Variants in PLBD2 observed in about 807,000 individuals in gnomAD.
PLBD2 encodes putative aminopeptidase PLBD2.
A neutral mutation model predicts 68.3 loss-of-function variants in PLBD2; 51 were observed. That is an observed-to-expected ratio of 0.75 (90% CI 0.60 to 0.94). The LOEUF (loss-of-function observed/expected upper bound fraction) is 0.94. Among genes scored for constraint, PLBD2 ranks in the 40% least tolerant of loss-of-function variants. The pLI, the probability that PLBD2 is intolerant of heterozygous loss-of-function variation, is 0.00. For missense variants in PLBD2, 729 were observed against 792.2 expected, an observed-to-expected ratio of 0.92 and a Z score of 0.96; for synonymous variants, 314 against 339.3, an observed-to-expected ratio of 0.93 and a Z score of 0.82.
chr12:113,367,316 C>T (rs1957349953), intron 1 of PLBD2, among the ~76,000 whole-genome samples: 1 of 152,168 alleles, frequency 6.6e-6, no homozygotes. Flanking sequence ...GCAGCTATCA[C>T]CTTGGTAAAG....
chr12:113,365,216 G>T (rs1384170053), intron 1 of PLBD2, among the ~76,000 whole-genome samples: 1 of 152,140 alleles, frequency 6.6e-6, no homozygotes, highest in Non-Finnish European at 1.5e-5. Context: ...CTCACCTGCT[G>T]TGTGACCTTG....
intron 5 of PLBD2, among the ~76,000 whole-genome samples, chr12:113,380,159 T>C (rs543324648): frequency 3.3e-5 from 5 of 152,280 alleles, no homozygotes; most frequent in Admixed American, 6.5e-5. Flanking sequence ...TTTTTTTAGA[T>C]GGAGTCTCAC....
chr12:113,370,481 T>C (rs1485300438), intron 2 of PLBD2, among the ~76,000 whole-genome samples: 3 of 140,798 alleles, frequency 2.1e-5, no homozygotes, highest in African/African-American at 7.9e-5. Context: ...TCTTTTTTTT[T>C]TTTTTTTTTT....
At chr12:113,388,203 G>T (rs568537292) in intron 11 of PLBD2, among the ~76,000 whole-genome samples, 1 of 152,098 alleles carries the variant, frequency 6.6e-6, no homozygotes, top group Non-Finnish European at 1.5e-5. Context: ...TTAGCTAGGC[G>T]TGGTGGCGGG....
intron 1 of PLBD2, among the ~76,000 whole-genome samples, chr12:113,367,840 G>C (rs1957355115): frequency 1.3e-5 from 2 of 151,770 alleles, no homozygotes; most frequent in Non-Finnish European, 2.9e-5. Flanking sequence ...CCAGCACTTT[G>C]GGAGGCTGAG....
intron 6 of PLBD2, among the ~76,000 whole-genome samples, chr12:113,381,488 C>A (rs1432889241): frequency 1.3e-5 from 2 of 152,148 alleles, no homozygotes; most frequent in Non-Finnish European, 2.9e-5. Flanking sequence ...CTAAAAAACA[C>A]CCTTAGCGCA....
intron 1 of PLBD2, among the ~76,000 whole-genome samples, chr12:113,365,703 A>G (rs998644222): frequency 3.3e-5 from 5 of 152,084 alleles, no homozygotes; most frequent in African/African-American, 2.4e-5. Context: ...AGGCCCCACT[A>G]AAGATCCCCA....
intron 6 of PLBD2, among the ~76,000 whole-genome samples, chr12:113,381,611 G>A (rs1957491431): frequency 6.6e-6 from 1 of 152,114 alleles, no homozygotes; most frequent in Non-Finnish European, 1.5e-5. Flanking sequence ...GGTGGGTGAG[G>A]GAACCCCCAT....
rs1412829992 is a variant in PLBD2 at position 113,382,870 on chromosome 12, T to G, written c.958-1235T>G. On this transcript the variant is annotated intron_variant, in intron 6 of 11. Coordinates refer to ENST00000280800, the MANE Select transcript of PLBD2 (RefSeq NM_173542.4). ...GTGTGTGTGTGTGTGTGTGTGTGTTTTTTTTTTTTTTTTTTTTTTTAGATA... is the reference window on the plus strand; with the variant it reads ...GTGTGTGTGTGTGTGTGTGTGTGTTGTTTTTTTTTTTTTTTTTTTTAGATA... 7.0e-3 allele frequency among the ~76,000 whole-genome samples: 916 copies of G among 130,596 alleles called. 1 individual carries two copies. The highest frequency in any genetic ancestry group is 8.8e-3 in the Non-Finnish European group (542 of 61,692). 85.7% of individuals were successfully genotyped at this position (130,596 alleles called of 152,430 possible).
chr12:113,361,614 T>TG (rs1221936071), intron 1 of PLBD2, among the ~76,000 whole-genome samples: 1 of 152,108 alleles, frequency 6.6e-6, no homozygotes, highest in Non-Finnish European at 1.5e-5. Context: ...CCCCAAATGT[T>TG]GGGATTACAG....
chr12:113,369,272 A>G (rs1957368546), intron 2 of PLBD2, 63 bp downstream of exon 2: 2 of 1,382,242 alleles, frequency 1.4e-6, no homozygotes, highest in East Asian at 2.7e-5. Flanking sequence ...CATGTTCCCC[A>G]GTGTGCTTTT....
intron 2 of PLBD2, among the ~76,000 whole-genome samples, chr12:113,371,753 C>A (rs1957390593): frequency 6.6e-6 from 1 of 152,226 alleles, no homozygotes; most frequent in Non-Finnish European, 1.5e-5. Context: ...GATGGGCAGG[C>A]TTGGGCCCAG....
intron 1 of PLBD2, among the ~76,000 whole-genome samples, chr12:113,362,561 C>T (rs1357041507): frequency 6.7e-6 from 1 of 148,792 alleles, no homozygotes; most frequent in Non-Finnish European, 1.5e-5. Flanking sequence ...CTGCCCCTGG[C>T]ATGAAATTGC....
At position 113,372,013 on chromosome 12, in the gene PLBD2, G is replaced by A. The variant is rs1005229209; in HGVS notation, c.385-636G>A. 4.6e-5 allele frequency among the ~76,000 whole-genome samples: 7 copies of A among 152,210 alleles called. No homozygotes were observed. Among genetic ancestry groups the A allele is most frequent in the African/African-American group, 1.7e-4 (7 of 41,448 alleles). ...AAGTCATGGAGGCCTGCATGGAGGA[G>A]GTGGTGTCTTAGTGGGCCTTGAAGG... On this transcript the variant is annotated intron_variant, in intron 2 of 11. Transcript: ENST00000280800. This position sits in a 1 kb window ranked among gnomAD's most constrained non-coding sequence, Gnocchi z 4.2.
At chr12:113,359,068 G>T (rs1397831931) in intron 1 of PLBD2, among the ~76,000 whole-genome samples, 178 bp downstream of exon 1, 1 of 152,238 alleles carries the variant, frequency 6.6e-6, no homozygotes, top group Non-Finnish European at 1.5e-5. Flanking sequence ...TTGGGAGCTG[G>T]CTACTGCGGC....
chr12:113,375,285 A>G (rs1957430830), intron 5 of PLBD2: 1 of 466,014 alleles, frequency 2.1e-6, no homozygotes, highest in Non-Finnish European at 3.9e-6. Context: ...ATCTGGAACT[A>G]CAAATGTGTA....
At chr12:113,387,114 TG>T in intron 10 of PLBD2, 25 bp downstream of exon 10, 1 of 1,544,830 alleles carries the variant, frequency 6.5e-7, no homozygotes, top group Non-Finnish European at 8.7e-7. Context: ...GGTGGTGGGT[TG>T]GGGAGAGGGA....
intron 2 of PLBD2, among the ~76,000 whole-genome samples, chr12:113,369,565 C>T (rs1053258232): frequency 6.6e-6 from 1 of 152,064 alleles, no homozygotes; most frequent in Non-Finnish European, 1.5e-5. Context: ...ATACATACAA[C>T]GTGATCTATC....
chr12:113,388,024 G>A, intron 11 of PLBD2, 118 bp downstream of exon 11: 2 of 1,314,812 alleles, frequency 1.5e-6, no homozygotes, highest in Non-Finnish European at 1.1e-6. Flanking sequence ...GTCGGAATTG[G>A]GCTGTGGTTG....
Sources: allele counts gnomAD v4.1 joint callset (sites outside exome capture counted in the v4.1 genomes callset), GRCh38; gene constraint gnomAD v4.1.1; non-coding constraint Gnocchi (gnomAD v3.1); transcripts MANE v1.5; gene names NCBI Gene and HGNC (gene_info 2026-07-23, HGNC 2026-07-21).